The following PTCHD4 variants were observed in gnomAD, a reference collection of about 807,000 sequenced individuals.
The protein encoded by PTCHD4 is patched domain containing 4.
PTCHD4 carries 33 observed loss-of-function variants against 58.1 expected under a neutral mutation model. That is an observed-to-expected ratio of 0.57 (90% CI 0.43 to 0.76). PTCHD4 has a LOEUF of 0.76. PTCHD4 is among the 30% of genes least tolerant of loss of function. The probability of loss-of-function intolerance (pLI) is 0.00; values close to 1 mark genes in which losing one functional copy is unlikely to be tolerated. For missense variants in PTCHD4, 1,058 were observed against 1,027.1 expected (o/e 1.03, Z -0.41); for synonymous variants, 478 against 409.6 (o/e 1.17, Z -2.02).
intron 4 of PTCHD4, among the ~76,000 whole-genome samples, chr6:47,963,063 A>T (rs1767157357): frequency 1.3e-5 from 2 of 152,074 alleles, no homozygotes; most frequent in Admixed American, 1.3e-4. Flanking sequence ...CGGGAGGCAG[A>T]GGTTGCAGTG....
chr6:48,055,502 T>C (rs1262002617), intron 3 of PTCHD4, among the ~76,000 whole-genome samples: 9 of 152,180 alleles, frequency 5.9e-5, no homozygotes, highest in Admixed American at 5.9e-4. Context: ...ATTTGAACAC[T>C]GCTTTGGAAG....
intron 1 of PTCHD4, among the ~76,000 whole-genome samples, chr6:48,077,575 T>G (rs1292798630): frequency 1.3e-5 from 2 of 152,248 alleles, no homozygotes; most frequent in East Asian, 3.9e-4. Context: ...TCTCTCAGCC[T>G]AGCTTCCAGA....
intron 4 of PTCHD4, among the ~76,000 whole-genome samples, chr6:47,932,433 G>A (rs1378708475): frequency 1.3e-5 from 2 of 152,164 alleles, no homozygotes; most frequent in Admixed American, 6.5e-5. Context: ...TGGAATAAAG[G>A]GATAAACACA....
chr6:47,931,399 G>A (rs1765817536), intron 4 of PTCHD4, among the ~76,000 whole-genome samples: 1 of 152,202 alleles, frequency 6.6e-6, no homozygotes, highest in South Asian at 2.1e-4. Context: ...TTTGGAAAAA[G>A]AAGTAATTCT....
At chr6:48,080,585 C>T (rs906417723) in intron 1 of PTCHD4, among the ~76,000 whole-genome samples, 1 of 152,162 alleles carries the variant, frequency 6.6e-6, no homozygotes, top group Admixed American at 6.5e-5. Flanking sequence ...TAGAGTTGTA[C>T]TCTAATTTCT....
intron 3 of PTCHD4, among the ~76,000 whole-genome samples, chr6:48,035,460 TA>T (rs769647089): frequency 9.5e-4 from 145 of 152,070 alleles, no homozygotes; most frequent in Non-Finnish European, 1.6e-3. Flanking sequence ...GAAATTATAT[TA>T]AAAAATTATG....
rs190207872 is a variant in PTCHD4 at position 47,872,226 on chromosome 6, G to T, written c.*6077C>A. On this transcript the variant is annotated 3_prime_UTR_variant, in exon 5 of 5. Transcript: ENST00000339488. ...AGTTAAATTTATATAGCACTGAAAA[G>T]TTATACATTTTTATTAAACACCAGT... is the stretch of plus-strand genomic sequence containing the variant. Among the ~76,000 whole-genome samples the T allele has an allele frequency of 6.6e-6, 1 of 151,780 alleles. No homozygotes were observed. Among genetic ancestry groups the T allele is most frequent in the East Asian group, 1.9e-4 (1 of 5,146 alleles).
chr6:48,004,799 C>T (rs191085041), intron 4 of PTCHD4, among the ~76,000 whole-genome samples: 79 of 152,238 alleles, frequency 5.2e-4, no homozygotes, highest in African/African-American at 1.8e-3. Flanking sequence ...CGCCTATAGT[C>T]CCAGCTACTT....
At chr6:47,889,799 G>A (rs1447445601) in intron 4 of PTCHD4, among the ~76,000 whole-genome samples, 1 of 150,664 alleles carries the variant, frequency 6.6e-6, no homozygotes, top group African/African-American at 2.4e-5. Context: ...CATGGGCAAG[G>A]ACTTCATGTC....
chr6:48,065,680 T>C (rs1047715996), intron 3 of PTCHD4, among the ~76,000 whole-genome samples: 13 of 152,228 alleles, frequency 8.5e-5, no homozygotes, highest in Admixed American at 5.9e-4. Flanking sequence ...TATTCCATTA[T>C]GTATTGCATG....
chr6:48,043,846 T>A (rs1379669011), intron 3 of PTCHD4, among the ~76,000 whole-genome samples: 3 of 151,864 alleles, frequency 2.0e-5, no homozygotes, highest in African/African-American at 7.2e-5. Context: ...TTCTAGCAGA[T>A]CTTAAGACAA....
In PTCHD4 at chr6:47,858,993, T is replaced by C. The variant is rs1199236544; in HGVS notation, c.*19310A>G. ...TTGAGACTAATCAATGAATCATTAA[T>C]GTGAGCTTGGAAACAGCAGGTAGAA... On this transcript the variant is annotated 3_prime_UTR_variant, in exon 5 of 5. Coordinates refer to ENST00000339488, the MANE Select transcript of PTCHD4 (RefSeq NM_001384253.1). 6.6e-6 allele frequency among the ~76,000 whole-genome samples: 1 copy of C among 152,064 alleles called. No homozygotes were observed. The highest frequency in any genetic ancestry group is 1.5e-5 in the Non-Finnish European group (1 of 67,980).
intron 4 of PTCHD4, among the ~76,000 whole-genome samples, chr6:47,920,127 C>T (rs894481240): frequency 3.9e-5 from 6 of 152,040 alleles, no homozygotes; most frequent in Non-Finnish European, 7.4e-5. Flanking sequence ...AGCAGTCAGC[C>T]TAAGCTGACT....
At chr6:47,970,954 G>C (rs1375435211) in intron 4 of PTCHD4, among the ~76,000 whole-genome samples, 2 of 152,154 alleles carry the variant, frequency 1.3e-5, no homozygotes, top group Non-Finnish European at 2.9e-5. Flanking sequence ...CTCAAGATTT[G>C]AGAACCACTG....
chr6:47,907,974 C>G (rs536824738), intron 4 of PTCHD4, among the ~76,000 whole-genome samples: 1 of 152,178 alleles, frequency 6.6e-6, no homozygotes, highest in South Asian at 2.1e-4. Context: ...TTCTTTAAAC[C>G]TTTATATGGG....
intron 4 of PTCHD4, among the ~76,000 whole-genome samples, chr6:47,960,236 C>A (rs1767027753): frequency 6.6e-6 from 1 of 151,784 alleles, no homozygotes; most frequent in Admixed American, 6.6e-5. Flanking sequence ...AATAAGCTAA[C>A]CGAGGAGATA....
chr6:48,062,425 G>A (rs944666196), intron 3 of PTCHD4, among the ~76,000 whole-genome samples: 9 of 152,056 alleles, frequency 5.9e-5, no homozygotes, highest in African/African-American at 2.2e-4. Flanking sequence ...AAGTAAATGG[G>A]AAGAAGAATG....
At chr6:48,017,714 T>A (rs1468766660) in intron 3 of PTCHD4, among the ~76,000 whole-genome samples, 1 of 152,216 alleles carries the variant, frequency 6.6e-6, no homozygotes, top group Non-Finnish European at 1.5e-5. Flanking sequence ...AGAGAGAGGA[T>A]ACAGTGAAAG....
chr6:48,071,153 G>A (rs540157661), intron 1 of PTCHD4, among the ~76,000 whole-genome samples: 6 of 152,202 alleles, frequency 3.9e-5, no homozygotes, highest in South Asian at 2.1e-4. Flanking sequence ...ATCAGGCAGC[G>A]TACTCTCTTC....
Sources: allele counts gnomAD v4.1 joint callset (sites outside exome capture counted in the v4.1 genomes callset), GRCh38; gene constraint gnomAD v4.1.1; transcripts MANE v1.5; gene names NCBI Gene and HGNC (gene_info 2026-07-23, HGNC 2026-07-21).